TASOR2: variants seen among roughly 807,000 people sequenced by gnomAD.
The protein encoded by TASOR2 is transcription activation suppressor family member 2, also known as protein TASOR 2.
TASOR2 carries 84 observed loss-of-function variants against 199.5 expected under a neutral mutation model. The ratio of observed to expected loss-of-function variants is 0.42; its 90% CI spans 0.35 to 0.50. The LOEUF is 0.50. Among genes scored for constraint, TASOR2 ranks in the 20% least tolerant of loss-of-function variants. TASOR2 has a pLI of 0.02. For missense variants in TASOR2, 2,796 were observed against 2,835.9 expected (o/e 0.99, Z 0.32); for synonymous variants, 1,103 against 1,046.6 (o/e 1.05, Z -1.04).
chr10:5,709,082 A>G (rs182681721), intron 1 of TASOR2, among the ~76,000 whole-genome samples: 3 of 152,296 alleles, frequency 2.0e-5, no homozygotes, highest in African/African-American at 7.2e-5. Context: ...TCCAAGATTT[A>G]GCATGATATT....
intron 11 of TASOR2, among the ~76,000 whole-genome samples, chr10:5,734,936 C>T (rs1319850597): frequency 1.3e-5 from 2 of 151,782 alleles, no homozygotes; most frequent in Non-Finnish European, 2.9e-5. Context: ...TCAAGCAGTC[C>T]GTCCGTCATG....
chr10:5,761,737 T>C, intron 19 of TASOR2: 1 of 291,320 alleles, frequency 3.4e-6, no homozygotes, highest in Non-Finnish European at 6.4e-6. Context: ...GTATTATTTT[T>C]TAAATCAATA....
Position 5,750,174 on chromosome 10 carries a change from A to G in TASOR2, c.6606+147A>G. On this transcript the variant is annotated intron_variant, in intron 15 of 20. Transcript: ENST00000328090. The surrounding 1 kb of genome is among the most constrained non-coding windows in gnomAD (Gnocchi z 5.4). ...AGCTTAGTCTTTATCTGCATACTAA[A>G]TGTTTTCCTGCAGGATCTGCCATTT... The G allele has an allele frequency of 3.4e-6, 3 of 875,018 alleles. No individual in the cohort carries two copies. Among genetic ancestry groups the G allele is most frequent in the Middle Eastern group, 3.6e-4 (1 of 2,762 alleles). 54.2% of individuals were successfully genotyped at this position (875,018 alleles called of 1,614,324 possible).
At chr10:5,707,786 C>T (rs1831310588) in intron 1 of TASOR2, among the ~76,000 whole-genome samples, 1 of 143,310 alleles carries the variant, frequency 7.0e-6, no homozygotes, top group Admixed American at 7.0e-5. Context: ...TTCTTCTGAA[C>T]CATGGGATAA....
Position 5,742,202 on chromosome 10 carries a change from C to T in TASOR2, c.2433C>T (p.Ser811=). 1 of 1,614,114 alleles carries T rather than the reference C, an allele frequency of 6.2e-7. No homozygotes were observed. The highest frequency in any genetic ancestry group is 8.5e-7 in the Non-Finnish European group (1 of 1,180,020). The change falls in exon 14 of 21, where the codon TCC becomes TCT. Residue 811 remains serine (S), a synonymous_variant. Coordinates refer to ENST00000328090, the Ensembl canonical transcript of TASOR2. The surrounding 1 kb of genome is among the most constrained non-coding windows in gnomAD (Gnocchi z 4.2). ...ATCAGAACAAAATCATACGATCTTC[C>T]CGAAAGGTTGTAGAACACAGCAACC... is the stretch of plus-strand genomic sequence containing the variant.
chr10:5,732,507 C>T (rs1349512918), intron 11 of TASOR2, among the ~76,000 whole-genome samples: 1 of 152,166 alleles, frequency 6.6e-6, no homozygotes, highest in Non-Finnish European at 1.5e-5. Context: ...GTATGGTAAT[C>T]CCAGGATTCT....
intron 14 of TASOR2, among the ~76,000 whole-genome samples, chr10:5,743,557 T>A (rs1372722182): frequency 6.6e-6 from 1 of 152,158 alleles, no homozygotes; most frequent in African/African-American, 2.4e-5. Flanking sequence ...AACCTAAATG[T>A]TAACTATGTA....
intron 8 of TASOR2, among the ~76,000 whole-genome samples, chr10:5,726,379 C>A (rs1448672875): frequency 6.6e-6 from 1 of 152,116 alleles, no homozygotes; most frequent in Non-Finnish European, 1.5e-5. Flanking sequence ...TGCCCTGGAA[C>A]TTGATTATTT....
chr10:5,732,247 A>G (rs1834919325), intron 11 of TASOR2, among the ~76,000 whole-genome samples: 1 of 152,254 alleles, frequency 6.6e-6, no homozygotes, highest in South Asian at 2.1e-4. Flanking sequence ...CTAAAAGAGT[A>G]GGGAAGTATA....
chr10:5,739,737 G>GA lies in TASOR2; in HGVS notation c.1571dup (p.Asn524LysfsTer7). 6 of 1,614,148 alleles carry GA rather than the reference G, an allele frequency of 3.7e-6. No homozygotes were observed. Among genetic ancestry groups the GA allele is most frequent in the Non-Finnish European group, 5.1e-6 (6 of 1,180,032 alleles). ...CACAGCGGCTCACAATGATCTTCCT[G>GA]AAAACTCCATCGTCAACTATGACTC... is the stretch of plus-strand genomic sequence containing the variant. On this transcript the variant is annotated frameshift_variant, in exon 13 of 21. Coordinates refer to ENST00000328090, the Ensembl canonical transcript of TASOR2. LOFTEE classifies it high-confidence loss of function.
At chr10:5,760,625 A>C (rs773766726) in intron 18 of TASOR2, among the ~76,000 whole-genome samples, 3 of 152,248 alleles carry the variant, frequency 2.0e-5, no homozygotes, top group Non-Finnish European at 4.4e-5. Flanking sequence ...GAGGGATGGC[A>C]TAAAAGTTGG....
chr10:5,713,017 G>C (rs1302016704), intron 2 of TASOR2, 99 bp downstream of exon 2: 1 of 574,776 alleles, frequency 1.7e-6, no homozygotes. Flanking sequence ...ATTCATCAGT[G>C]TTTTTTGTTG....
At chr10:5,755,766 C>G (rs1838841223) in intron 15 of TASOR2, among the ~76,000 whole-genome samples, 1 of 152,032 alleles carries the variant, frequency 6.6e-6, no homozygotes, top group Non-Finnish European at 1.5e-5. Context: ...AAGAGAACTG[C>G]TTGAGACTAG....
At chr10:5,732,912 G>A (rs1326642581) in intron 11 of TASOR2, among the ~76,000 whole-genome samples, 6 of 152,136 alleles carry the variant, frequency 3.9e-5, no homozygotes, top group African/African-American at 7.2e-5. Context: ...GGAGATGTGC[G>A]TACTTAGGAG....
At chr10:5,744,951 A>G (rs1364455129) in intron 14 of TASOR2, among the ~76,000 whole-genome samples, 1 of 152,216 alleles carries the variant, frequency 6.6e-6, no homozygotes, top group Non-Finnish European at 1.5e-5. Flanking sequence ...GTTTTTAACA[A>G]GAGATTTGGA....
rs147954390 is a variant in TASOR2, at chr10:5,749,932, G to A, written c.6511G>A (p.Val2171Ile). ...CATAGACGTGTGCACCAATTTGCAC[G>A]TCAAACTAAGAAGTGTTGTGAAAGA... The change falls in exon 15 of 21, where the codon GTC becomes ATC. Residue 2171 changes from valine (V) to isoleucine (I), a missense_variant. Around this residue, in one of 3 missense-constraint regions of TASOR2, gnomAD observed 1,941 missense variants for 1,924.9 expected, o/e 1.01. Transcript: ENST00000328090. 6,556 of 1,614,122 alleles carry A rather than the reference G, an allele frequency of 4.1e-3. 18 individuals are homozygous for A. The highest frequency in any genetic ancestry group is 7.3e-3 in the Middle Eastern group (44 of 6,062).
chr10:5,763,247 ATTG>A, exon 21 of TASOR2: 1 of 440,152 alleles, frequency 2.3e-6, no homozygotes, highest in Admixed American at 4.2e-5. Context: ...AGTGCTAGAT[ATTG>A]TTTTAAATTA....
chr10:5,706,095 G>A lies in TASOR2; in HGVS notation c.-287-6728G>A, dbSNP rs1180954767. Among the ~76,000 whole-genome samples, 1 of 151,990 alleles carries A rather than the reference G, an allele frequency of 6.6e-6. No individual in the cohort carries two copies. The highest frequency in any genetic ancestry group is 1.5e-5 in the Non-Finnish European group (1 of 67,986). ...GTTCATGTTTTTTTCCTCCGTTTTA[G>A]TTGTTCTGTAGCAGCATTTATTGCA... On this transcript the variant is annotated intron_variant, in intron 1 of 20. Coordinates refer to ENST00000328090, the Ensembl canonical transcript of TASOR2. The surrounding 1 kb of genome is among the most constrained non-coding windows in gnomAD (Gnocchi z 4.8).
chr10:5,709,560 T>C (rs1168979976), intron 1 of TASOR2: 5 of 1,230,842 alleles, frequency 4.1e-6, no homozygotes, highest in Non-Finnish European at 5.1e-6. Context: ...AACAGGACTA[T>C]GTCAAGAATT....
Sources: allele counts gnomAD v4.1 joint callset (sites outside exome capture counted in the v4.1 genomes callset), GRCh38; gene constraint gnomAD v4.1.1; regional missense constraint gnomAD v4.1.1; non-coding constraint Gnocchi (gnomAD v3.1); transcripts MANE v1.5; gene names NCBI Gene and HGNC (gene_info 2026-07-23, HGNC 2026-07-21).